The following SLC39A13 variants were observed in gnomAD, a reference collection of about 807,000 sequenced individuals.
SLC39A13 encodes zinc transporter ZIP13.
A neutral mutation model predicts 38.7 loss-of-function variants in SLC39A13; 18 were observed. The ratio of observed to expected loss-of-function variants is 0.47; its 90% CI spans 0.32 to 0.69. The LOEUF is 0.69. SLC39A13 is among the 30% of genes least tolerant of loss of function. SLC39A13 has a pLI of 0.03. For synonymous variants in SLC39A13, 212 were observed against 219.1 expected, an observed-to-expected ratio of 0.97 and a Z score of 0.29; for missense variants, 395 against 490.7, an observed-to-expected ratio of 0.80 and a Z score of 1.84.
chr11:47,412,069 C>T (rs758838230), intron 3 of SLC39A13, 30 bp downstream of exon 3: 4 of 1,586,592 alleles, frequency 2.5e-6, no homozygotes, highest in African/African-American at 2.7e-5. Flanking sequence ...AGGGGCAAGA[C>T]AGTGCCAGGA....
chr11:47,409,826 G>A, intron 1 of SLC39A13: 1 of 457,650 alleles, frequency 2.2e-6, no homozygotes, highest in Non-Finnish European at 4.0e-6. Context: ...CTGTCATTAG[G>A]GAAAGTTTAG....
At chr11:47,409,776 G>A (rs2095988028) in intron 1 of SLC39A13, 3 of 343,858 alleles carry the variant, frequency 8.7e-6, no homozygotes, top group South Asian at 6.0e-5. Flanking sequence ...GGGCCGGGCC[G>A]TGCCGCCGGT....
rs201425631 is a variant in SLC39A13 at position 47,410,226 on chromosome 11, G to A, written c.132G>A (p.Thr44=). The change falls in exon 2 of 10, where the codon ACG becomes ACA. Residue 44 remains threonine (T), a synonymous_variant. Coordinates refer to ENST00000362021, the MANE Select transcript of SLC39A13 (RefSeq NM_001128225.3). ...CCCTCCGGAGCCGGGGGACTGCGAC[G>A]GCCTGTCGCCTGGACAACAAGGAAA... The part of the protein sequence containing the change: ...QPALRSRGTA[T]ACRLDNKESE... 3.1e-5 allele frequency: 50 copies of A among 1,614,058 alleles called. No homozygotes were observed. The highest frequency in any genetic ancestry group is 4.1e-5 in the Non-Finnish European group (48 of 1,180,018).
chr11:47,410,405 T>A lies in SLC39A13; in HGVS notation c.301+10T>A. 1 of 1,613,650 alleles carries A rather than the reference T, an allele frequency of 6.2e-7. No individual in the cohort carries two copies. The highest frequency in any genetic ancestry group is 1.3e-5 in the African/African-American group (1 of 74,994). On this transcript the variant is annotated intron_variant, in intron 2 of 9. Coordinates refer to ENST00000362021, the MANE Select transcript of SLC39A13 (RefSeq NM_001128225.3). ...ATGCTGCGCTCAGAAGGTAGGTGAC[T>A]CTCCGGTGGCGCCCAGGGCTGGCCA...
At position 47,415,627 on chromosome 11, in the gene SLC39A13, TG is replaced by T. The variant is rs1352856790; in HGVS notation, c.*265del. 2 of 588,586 alleles carry T rather than the reference TG, an allele frequency of 3.4e-6. No homozygotes were observed. Among genetic ancestry groups the T allele is most frequent in the East Asian group, 6.0e-5 (2 of 33,184 alleles). 36.5% of individuals were successfully genotyped at this position (588,586 alleles called of 1,614,324 possible). A position where few individuals can be genotyped will look rare whatever the true frequency, so the allele number is the denominator to read the frequency against. ...CAGCCATGCTGTGGTTACCTCTCCT[TG>T]CCGCCCTGTCACCTTCACCTCCCGG... is the stretch of plus-strand genomic sequence containing the variant. On this transcript the variant is annotated 3_prime_UTR_variant, in exon 10 of 10. Coordinates refer to ENST00000362021, the MANE Select transcript of SLC39A13 (RefSeq NM_001128225.3).
Position 47,415,220 on chromosome 11 carries a change from G to A in SLC39A13, c.1040+61G>A. The A allele has an allele frequency of 2.5e-6, 4 of 1,613,182 alleles. No homozygotes were observed. In the South Asian group the frequency reaches 3.3e-5, roughly 13 times the overall value. On this transcript the variant is annotated intron_variant, in intron 9 of 9. Coordinates refer to ENST00000362021, the MANE Select transcript of SLC39A13 (RefSeq NM_001128225.3). Reference sequence around the variant, plus strand: ...ACAGGGCCCTTAGGGGCTCAGGAGGGAAGGGCTCCTGGCCGCTGCCTGCTC... The same window carrying A: ...ACAGGGCCCTTAGGGGCTCAGGAGGAAAGGGCTCCTGGCCGCTGCCTGCTC...
intron 2 of SLC39A13, 94 bp downstream of exon 2, chr11:47,410,489 G>T: frequency 6.9e-7 from 1 of 1,454,334 alleles, no homozygotes; most frequent in Non-Finnish European, 9.5e-7. Context: ...GAGTGTCTGA[G>T]ATGGAGGGAG....
At chr11:47,414,314 G>C in intron 6 of SLC39A13, 111 bp from the exon 7 acceptor site, 1 of 1,263,636 alleles carries the variant, frequency 7.9e-7, no homozygotes, top group Non-Finnish European at 1.1e-6. Context: ...GGCCAACACA[G>C]TGCCCACCCA....
At position 47,413,380 on chromosome 11, in the gene SLC39A13, C is replaced by T. The variant is rs959658042; in HGVS notation, c.538-20C>T. Reference sequence around the variant, plus strand: ...TGGGGGGCATCTAATGTCACCTCTCCCTCCTTCTCCTGGCCCTAGGCCCCC... The same window carrying T: ...TGGGGGGCATCTAATGTCACCTCTCTCTCCTTCTCCTGGCCCTAGGCCCCC... On this transcript the variant is annotated intron_variant, in intron 4 of 9. Transcript: ENST00000362021. 3 of 1,612,406 alleles carry T rather than the reference C, an allele frequency of 1.9e-6. No homozygotes were observed. The highest frequency in any genetic ancestry group is 2.5e-6 in the Non-Finnish European group (3 of 1,178,668).
intron 4 of SLC39A13, among the ~76,000 whole-genome samples, chr11:47,412,943 GT>G (rs2096007352): frequency 1.3e-5 from 2 of 151,334 alleles, no homozygotes; most frequent in Admixed American, 1.3e-4. Context: ...TGTATTTTTA[GT>G]GGAGACGGGG....
Position 47,414,772 on chromosome 11 carries a change from T to G in SLC39A13, c.787-5T>G. On this transcript the variant is annotated splice_region_variant and splice_polypyrimidine_tract_variant and intron_variant, in intron 7 of 9. Transcript: ENST00000362021. Reference sequence around the variant, plus strand: ...CGCAGGGTGAACCTCTGGACCTCCCTTCAGGTGGGCGACTTTGCCATCCTG... The same window carrying G: ...CGCAGGGTGAACCTCTGGACCTCCCGTCAGGTGGGCGACTTTGCCATCCTG... 1 of 1,607,580 alleles carries G rather than the reference T, an allele frequency of 6.2e-7. No homozygotes were observed. The highest frequency in any genetic ancestry group is 1.1e-5 in the South Asian group (1 of 91,016).
chr11:47,415,125 G>A lies in SLC39A13; in HGVS notation c.1006G>A (p.Val336Met), dbSNP rs764415399. 3 of 1,612,750 alleles carry A rather than the reference G, an allele frequency of 1.9e-6. No homozygotes were observed. Among genetic ancestry groups the A allele is most frequent in the Admixed American group, 1.7e-5 (1 of 59,772 alleles). The change falls in exon 9 of 10, where the codon GTG (valine) becomes ATG (methionine). Residue 336 changes from valine to methionine, a missense_variant. By Grantham distance (21) the Val-to-Met change is conservative (BLOSUM62 1). Coordinates refer to ENST00000362021, the MANE Select transcript of SLC39A13 (RefSeq NM_001128225.3). ...CTTTCTCTACATCGCCTTGGTGAAC[G>A]TGCTCCCTGACCTCTTGGAAGAAGA... ...GGFLYIALVN[V>M]LPDLLEEEDP...
At position 47,410,085 on chromosome 11, in the gene SLC39A13, A is replaced by G. The variant is rs1555134530; in HGVS notation, c.-8-2A>G. 1.9e-5 allele frequency: 31 copies of G among 1,612,510 alleles called. No homozygotes were observed. Among genetic ancestry groups the G allele is most frequent in the Non-Finnish European group, 2.5e-5 (30 of 1,179,976 alleles). On this transcript the variant is annotated splice_acceptor_variant, in intron 1 of 9. Coordinates refer to ENST00000362021, the MANE Select transcript of SLC39A13 (RefSeq NM_001128225.3). LOFTEE classifies it low-confidence loss of function (5UTR_SPLICE). ...ATATAGGTGGCCTTTTGTGTTTTTC[A>G]GTACGTGGCATGCCTGGATGTCCCT...
Position 47,410,292 on chromosome 11 carries a change from C to T in SLC39A13, c.198C>T (p.Asp66=), listed in dbSNP as rs1216174708. 6.2e-7 allele frequency: 1 copy of T among 1,614,150 alleles called. No individual in the cohort carries two copies. The highest frequency in any genetic ancestry group is 1.7e-5 in the Admixed American group (1 of 60,026). ...WGALLSGERL[D]TWICSLLGSL... ...CTCTGCTGAGCGGAGAGCGGCTGGA[C>T]ACCTGGATCTGCTCCCTCCTGGGTT... The change falls in exon 2 of 10, where the codon GAC becomes GAT. Residue 66 remains aspartate (D), a synonymous_variant. Transcript: ENST00000362021.
Position 47,413,686 on chromosome 11 carries a change from G to C in SLC39A13, c.735G>C (p.Lys245Asn). The change falls in exon 6 of 10, where the codon AAG becomes AAC. Residue 245 changes from lysine to asparagine, a missense_variant and splice_region_variant. Physicochemically the swap from Lys to Asn is moderately conservative, Grantham distance 94 (BLOSUM62 0). Coordinates refer to ENST00000362021, the MANE Select transcript of SLC39A13 (RefSeq NM_001128225.3). Reference sequence around the variant, plus strand: ...CTGCCAGCTTCCTTGTGAGCAAGAAGGTGAGGGGCTTGGGGCCAGTGGGGC... The same window carrying C: ...CTGCCAGCTTCCTTGTGAGCAAGAACGTGAGGGGCTTGGGGCCAGTGGGGC... Reference protein sequence around the residue: ...AVAASFLVSKKIGLLTTMAIL... With the variant: ...AVAASFLVSKNIGLLTTMAIL... 1 of 1,614,002 alleles carries C rather than the reference G, an allele frequency of 6.2e-7. No individual in the cohort carries two copies. The highest frequency in any genetic ancestry group is 8.5e-7 in the Non-Finnish European group (1 of 1,179,946).
intron 4 of SLC39A13, 44 bp from the exon 5 acceptor site, chr11:47,413,356 G>C (rs778395244): frequency 6.3e-6 from 10 of 1,581,760 alleles, no homozygotes; most frequent in African/African-American, 1.3e-5. Context: ...CTGGCTGAGT[G>C]GGGGGCATCT....
intron 4 of SLC39A13, 152 bp downstream of exon 4, chr11:47,412,619 G>A (rs1186443940): frequency 7.2e-7 from 1 of 1,379,668 alleles, no homozygotes; most frequent in Non-Finnish European, 9.9e-7. Flanking sequence ...CCTTCTTTGG[G>A]ACTGACACCA....
In SLC39A13 at chr11:47,415,629, C is replaced by T. The variant is rs751956491; in HGVS notation, c.*266C>T. The T allele has an allele frequency of 3.1e-4, 181 of 588,284 alleles. No homozygotes were observed. Among genetic ancestry groups the T allele is most frequent in the Non-Finnish European group, 5.1e-4 (163 of 321,640 alleles). 36.4% of individuals were successfully genotyped at this position (588,284 alleles called of 1,614,324 possible). A position where few individuals can be genotyped will look rare whatever the true frequency, so the allele number is the denominator to read the frequency against. On this transcript the variant is annotated 3_prime_UTR_variant, in exon 10 of 10. Coordinates refer to ENST00000362021, the MANE Select transcript of SLC39A13 (RefSeq NM_001128225.3). ...GCCATGCTGTGGTTACCTCTCCTTG[C>T]CGCCCTGTCACCTTCACCTCCCGGA...
intron 3 of SLC39A13, 75 bp downstream of exon 3, chr11:47,412,114 G>C (rs1264971197): frequency 6.7e-7 from 1 of 1,482,732 alleles, no homozygotes; most frequent in East Asian, 2.4e-5. Flanking sequence ...GGGATGGCCA[G>C]GATGACCAGG....
Sources: gnomAD v4.1 joint callset for allele counts (sites outside exome capture counted in the v4.1 genomes callset) on GRCh38, gnomAD v4.1.1 for gene constraint, MANE v1.5 for transcripts, NCBI Gene and HGNC (gene_info 2026-07-23, HGNC 2026-07-21) for gene names.